The following KIF26B variants were observed in gnomAD, a reference collection of about 807,000 sequenced individuals.
KIF26B encodes the protein kinesin family member 26B.
In KIF26B, 63 loss-of-function variants were observed where a neutral mutation model predicts 151.2. That is an observed-to-expected ratio of 0.42 (90% CI 0.34 to 0.51). The LOEUF (loss-of-function observed/expected upper bound fraction) is 0.51. Ranked by LOEUF, KIF26B falls within the 20% of genes least tolerant of loss-of-function variation. The pLI is 0.07. For missense variants in KIF26B, 2,813 were observed against 2,913.6 expected (o/e 0.97, Z 0.79); for synonymous variants, 1,357 against 1,262.1 (o/e 1.08, Z -1.59).
rs1286773592 is a variant in KIF26B, at chr1:245,708,176, C to T, written c.*5570C>T. 2.0e-5 allele frequency: 3 copies of T among 152,238 alleles called. No individual in the cohort carries two copies. The highest frequency in any genetic ancestry group is 7.2e-5 in the African/African-American group (3 of 41,448). 9.4% of individuals were successfully genotyped at this position (152,238 alleles called of 1,614,324 possible). A position where few individuals can be genotyped will look rare whatever the true frequency, so the allele number is the denominator to read the frequency against. Reference sequence around the variant, plus strand: ...GGCGAGCCTCTTCGCTTTGCTGGGCCTCAGGTTCCCGAGTGGAAGACTGGG... The same window carrying T: ...GGCGAGCCTCTTCGCTTTGCTGGGCTTCAGGTTCCCGAGTGGAAGACTGGG... On this transcript the variant is annotated 3_prime_UTR_variant, in exon 15 of 15. Coordinates refer to ENST00000407071, the MANE Select transcript of KIF26B (RefSeq NM_018012.4).
chr1:245,397,508 G>T (rs1343782652), intron 3 of KIF26B, among the ~76,000 whole-genome samples: 1 of 152,094 alleles, frequency 6.6e-6, no homozygotes, highest in Non-Finnish European at 1.5e-5. Flanking sequence ...GATCCACTGC[G>T]CCTGGCCCAC....
At chr1:245,538,417 T>A (rs1287891860) in intron 4 of KIF26B, among the ~76,000 whole-genome samples, 1 of 151,740 alleles carries the variant, frequency 6.6e-6, no homozygotes, top group Non-Finnish European at 1.5e-5. Context: ...GGGAATGATC[T>A]AGTAGCGTGA....
At chr1:245,350,690 C>A (rs1000517693) in intron 2 of KIF26B, among the ~76,000 whole-genome samples, 2 of 152,188 alleles carry the variant, frequency 1.3e-5, no homozygotes, top group African/African-American at 4.8e-5. Flanking sequence ...CACTCAGGCC[C>A]TGCTCCAGGA....
chr1:245,316,084 G>A (rs377023521), intron 2 of KIF26B, among the ~76,000 whole-genome samples: 7 of 151,920 alleles, frequency 4.6e-5, no homozygotes, highest in Non-Finnish European at 8.8e-5. Flanking sequence ...GTGGATGACC[G>A]CACTGCAAGG....
intron 3 of KIF26B, among the ~76,000 whole-genome samples, chr1:245,402,485 A>G (rs1674030937): frequency 6.6e-6 from 1 of 152,122 alleles, no homozygotes; most frequent in Admixed American, 6.5e-5. Context: ...GTTTTTCTAG[A>G]ATTTGAAGAT....
intron 4 of KIF26B, among the ~76,000 whole-genome samples, chr1:245,526,419 G>A (rs938920793): frequency 5.3e-5 from 8 of 152,164 alleles, no homozygotes; most frequent in African/African-American, 7.2e-5. Flanking sequence ...AATTCTGCCC[G>A]ACTTCTGTGT....
At chr1:245,584,404 C>T (rs747381808) in intron 5 of KIF26B, among the ~76,000 whole-genome samples, 3 of 152,134 alleles carry the variant, frequency 2.0e-5, no homozygotes, top group Non-Finnish European at 1.5e-5. Flanking sequence ...TAATTGTTTT[C>T]CACATGAAAT....
chr1:245,204,701 A>G (rs1669366677), intron 2 of KIF26B, among the ~76,000 whole-genome samples: 1 of 151,786 alleles, frequency 6.6e-6, no homozygotes, highest in Non-Finnish European at 1.5e-5. Context: ...AATTTCTCTT[A>G]TGGCTTCGTC....
chr1:245,215,828 T>C (rs1382002059), intron 2 of KIF26B, among the ~76,000 whole-genome samples: 2 of 152,164 alleles, frequency 1.3e-5, no homozygotes, highest in African/African-American at 4.8e-5. Flanking sequence ...CTTAGATAAT[T>C]TGAAAATGTG....
At chr1:245,232,918 C>T (rs1367820267) in intron 2 of KIF26B, among the ~76,000 whole-genome samples, 1 of 152,216 alleles carries the variant, frequency 6.6e-6, no homozygotes, top group African/African-American at 2.4e-5. Context: ...CTCTTTTTCA[C>T]TGAGCCCCAG....
intron 2 of KIF26B, among the ~76,000 whole-genome samples, chr1:245,243,493 T>C (rs1400094764): frequency 6.6e-6 from 1 of 151,402 alleles, no homozygotes; most frequent in Non-Finnish European, 1.5e-5. Context: ...CACACATACA[T>C]AAAAGGATCT....
In KIF26B at chr1:245,352,702, G is replaced by A. The variant is rs1672594932; in HGVS notation, c.466-14132G>A. Among the ~76,000 whole-genome samples, 1 of 152,280 alleles carries A rather than the reference G, an allele frequency of 6.6e-6. No individual in the cohort carries two copies. Among genetic ancestry groups the A allele is most frequent in the East Asian group, 1.9e-4 (1 of 5,190 alleles). ...AATCGATTCAAGGAAAAGTGATAGA[G>A]GCAGGTGGGGACGGGGAGGTGAGTT... is the stretch of plus-strand genomic sequence containing the variant. On this transcript the variant is annotated intron_variant, in intron 2 of 14. Transcript: ENST00000407071. This position sits in a 1 kb window ranked among gnomAD's most constrained non-coding sequence, Gnocchi z 5.0.
chr1:245,549,942 A>C (rs1044130277), intron 5 of KIF26B, among the ~76,000 whole-genome samples: 1 of 152,152 alleles, frequency 6.6e-6, no homozygotes, highest in Non-Finnish European at 1.5e-5. Flanking sequence ...CACCACGCTC[A>C]GCTAATTTTG....
intron 4 of KIF26B, among the ~76,000 whole-genome samples, chr1:245,468,991 T>C (rs1418272712): frequency 6.6e-6 from 1 of 152,244 alleles, no homozygotes; most frequent in Middle Eastern, 3.2e-3. Flanking sequence ...ACACAATATA[T>C]ATTCATGTAT....
At chr1:245,394,775 C>T (rs547670325) in intron 3 of KIF26B, among the ~76,000 whole-genome samples, 9 of 144,722 alleles carry the variant, frequency 6.2e-5, no homozygotes, top group Non-Finnish European at 1.3e-4. Context: ...ACCGCAGTCT[C>T]CACCTCCCAG....
intron 10 of KIF26B, among the ~76,000 whole-genome samples, chr1:245,661,175 T>C (rs1252309954): frequency 6.6e-6 from 1 of 151,684 alleles, no homozygotes; most frequent in Non-Finnish European, 1.5e-5. Context: ...TTAGTAGAGA[T>C]GGGGTTTTGC....
intron 4 of KIF26B, among the ~76,000 whole-genome samples, chr1:245,482,279 G>A (rs1381546557): frequency 1.7e-5 from 1 of 60,460 alleles, no homozygotes; most frequent in East Asian, 4.6e-4. Flanking sequence ...TTTAGTAGAC[G>A]GGGTTTCACC....
intron 2 of KIF26B, among the ~76,000 whole-genome samples, chr1:245,195,658 T>C (rs576484059): frequency 7.2e-5 from 11 of 152,328 alleles, no homozygotes; most frequent in Non-Finnish European, 1.3e-4. Flanking sequence ...AGGCTGAGCA[T>C]GTCGAGTGCC....
At chr1:245,610,517 A>G (rs1192941783) in intron 8 of KIF26B, among the ~76,000 whole-genome samples, 1 of 152,226 alleles carries the variant, frequency 6.6e-6, no homozygotes, top group Non-Finnish European at 1.5e-5. Flanking sequence ...ACAGTTGGAA[A>G]TCACTGTTCT....
Sources: gnomAD v4.1 joint callset for allele counts (sites outside exome capture counted in the v4.1 genomes callset) on GRCh38, gnomAD v4.1.1 for gene constraint, Gnocchi (gnomAD v3.1) non-coding constraint, MANE v1.5 for transcripts, NCBI Gene and HGNC (gene_info 2026-07-23, HGNC 2026-07-21) for gene names.